KMT2C: variants seen among roughly 807,000 people sequenced by gnomAD.
KMT2C encodes histone-lysine N-methyltransferase 2C.
A neutral mutation model predicts 507.9 loss-of-function variants in KMT2C; 88 were observed. The observed-to-expected ratio is 0.17, with a 90% confidence interval of 0.15 to 0.21. The LOEUF (loss-of-function observed/expected upper bound fraction) is 0.21, where lower values mean the gene tolerates loss of function less well. KMT2C is among the 10% of genes least tolerant of loss of function. The pLI is 1.00. For missense variants in KMT2C, 4,954 were observed against 5,957.8 expected (o/e 0.83, Z 5.55); for synonymous variants, 2,049 against 2,080.8 (o/e 0.98, Z 0.42).
intron 23 of KMT2C, among the ~76,000 whole-genome samples, chr7:152,214,849 C>T (rs1057392769): frequency 1.3e-5 from 2 of 152,078 alleles, no homozygotes; most frequent in African/African-American, 4.8e-5. Context: ...GGGTACAAAT[C>T]TGCAGTTAGG....
At chr7:152,321,987 T>C (rs368759559) in intron 3 of KMT2C, among the ~76,000 whole-genome samples, 21 of 151,780 alleles carry the variant, frequency 1.4e-4, no homozygotes, top group African/African-American at 5.1e-4. Context: ...AGAACAATGC[T>C]GGATGCATCA....
At chr7:152,189,596 A>G (rs967739464) in intron 31 of KMT2C, among the ~76,000 whole-genome samples, 1 of 152,204 alleles carries the variant, frequency 6.6e-6, no homozygotes, top group African/African-American at 2.4e-5. Flanking sequence ...TTACAACACT[A>G]AAACCTACAT....
chr7:152,214,611 A>G (rs565785691), intron 23 of KMT2C, among the ~76,000 whole-genome samples: 29 of 152,344 alleles, frequency 1.9e-4, no homozygotes, highest in Non-Finnish European at 3.8e-4. Context: ...TATACAATGG[A>G]ATAGTTAGCT....
intron 55 of KMT2C, among the ~76,000 whole-genome samples, chr7:152,143,878 T>C (rs755719200): frequency 3.3e-5 from 5 of 152,222 alleles, no homozygotes; most frequent in Non-Finnish European, 7.3e-5. Context: ...GATACTTTGC[T>C]GGCTGCTGAG....
chr7:152,415,429 A>G (rs1338680407), intron 1 of KMT2C, among the ~76,000 whole-genome samples: 4 of 152,220 alleles, frequency 2.6e-5, no homozygotes, highest in African/African-American at 9.6e-5. Context: ...TCACTACACA[A>G]AAGATAATTA....
chr7:152,199,086 T>C (rs905355802), intron 27 of KMT2C, among the ~76,000 whole-genome samples, 193 bp downstream of exon 27: 24 of 152,216 alleles, frequency 1.6e-4, no homozygotes, highest in African/African-American at 5.5e-4. Flanking sequence ...GTTACACAGG[T>C]AAATTAATTT....
intron 2 of KMT2C, among the ~76,000 whole-genome samples, chr7:152,346,983 T>C (rs937395218): frequency 1.3e-5 from 2 of 151,994 alleles, no homozygotes; most frequent in Admixed American, 1.3e-4. Context: ...AAAACTTAGC[T>C]GGGCGTGGTG....
chr7:152,396,062 C>T (rs2097536400), intron 1 of KMT2C, among the ~76,000 whole-genome samples: 1 of 152,040 alleles, frequency 6.6e-6, no homozygotes. Context: ...AATGATCAGC[C>T]CCAAATCAAA....
chr7:152,431,366 A>G (rs959877759), intron 1 of KMT2C, among the ~76,000 whole-genome samples: 78 of 152,266 alleles, frequency 5.1e-4, no homozygotes, highest in African/African-American at 1.7e-3. Flanking sequence ...TGGGAGGCCC[A>G]GGCAGGCAGA....
At chr7:152,420,854 A>G (rs917304763) in intron 1 of KMT2C, among the ~76,000 whole-genome samples, 1 of 151,822 alleles carries the variant, frequency 6.6e-6, no homozygotes, top group African/African-American at 2.4e-5. Context: ...GGCCTAATAT[A>G]CAGAATCTGT....
At position 152,162,946 on chromosome 7, in the gene KMT2C, A is replaced by G; in HGVS notation, c.10631T>C (p.Phe3544Ser). ...AGAAGGCCTCACTGGGGACTGCTGGAAGCTGGTCCCAGAAAGATTTCCATG... is the reference window on the plus strand; with the variant it reads ...AGAAGGCCTCACTGGGGACTGCTGGGAGCTGGTCCCAGAAAGATTTCCATG... ...QGHGNLSGTS[F>S]QQSPVRPSFT... is the part of the protein sequence containing the mutation. Residue 3544 changes from phenylalanine to serine, a missense_variant, in exon 43 of 59, where the codon TTC becomes TCC. Coordinates refer to ENST00000262189, the MANE Select transcript of KMT2C (RefSeq NM_170606.3). 1 of 1,614,146 alleles carries G rather than the reference A, an allele frequency of 6.2e-7. No homozygotes were observed. Among genetic ancestry groups the G allele is most frequent in the African/African-American group, 1.3e-5 (1 of 75,028 alleles).
At chr7:152,297,752 A>C (rs1441517911) in intron 6 of KMT2C, among the ~76,000 whole-genome samples, 1 of 152,230 alleles carries the variant, frequency 6.6e-6, no homozygotes, top group Non-Finnish European at 1.5e-5. Context: ...AGAATAAAGA[A>C]AATAGCCAGA....
chr7:152,266,462 C>T (rs2129174288), intron 7 of KMT2C, among the ~76,000 whole-genome samples: 1 of 152,168 alleles, frequency 6.6e-6, no homozygotes, highest in Non-Finnish European at 1.5e-5. Flanking sequence ...CCAGGCTGGT[C>T]TCAAACTCCT....
chr7:152,179,874 G>A lies in KMT2C; in HGVS notation c.7402C>T (p.Pro2468Ser), dbSNP rs368314787. 132 of 1,614,040 alleles carry A rather than the reference G, an allele frequency of 8.2e-5. No individual in the cohort carries two copies. The highest frequency in any genetic ancestry group is 9.8e-5 in the Non-Finnish European group (116 of 1,179,988). ...FPKDQRGPYP[P>S]DVASMGMRPH... is the part of the protein sequence containing the mutation. ...CTCATCCCCATACTAGCAACATCAGGAGGATAGGGTCCACGCTGATCTTTT... is the reference window on the plus strand; with the variant it reads ...CTCATCCCCATACTAGCAACATCAGAAGGATAGGGTCCACGCTGATCTTTT... The change falls in exon 37 of 59, where the codon CCT becomes TCT. Residue 2468 changes from proline to serine, a missense_variant. By Grantham distance (74) the Pro-to-Ser change is moderately conservative. Transcript: ENST00000262189.
At chr7:152,363,078 C>T (rs977921842) in intron 1 of KMT2C, among the ~76,000 whole-genome samples, 13 of 152,196 alleles carry the variant, frequency 8.5e-5, no homozygotes, top group African/African-American at 3.1e-4. Flanking sequence ...AATGGTCATA[C>T]TCTTCAAAAC....
chr7:152,207,545 T>C, intron 23 of KMT2C, 117 bp from the exon 24 acceptor site: 1 of 831,994 alleles, frequency 1.2e-6, no homozygotes, highest in South Asian at 1.7e-5. Flanking sequence ...TACATCCCTG[T>C]TGGTAGGGAA....
intron 1 of KMT2C, among the ~76,000 whole-genome samples, chr7:152,391,927 C>T (rs949538426): frequency 3.9e-5 from 6 of 152,118 alleles, no homozygotes; most frequent in African/African-American, 1.4e-4. Flanking sequence ...TTATCATATA[C>T]ATACATAAAT....
At chr7:152,160,941 A>T (rs1353895753) in intron 43 of KMT2C, among the ~76,000 whole-genome samples, 6 of 152,168 alleles carry the variant, frequency 3.9e-5, no homozygotes, top group African/African-American at 1.4e-4. Context: ...ATCTGGAAAA[A>T]GATGACTCAA....
At chr7:152,166,178 A>T (rs1333148219) in intron 42 of KMT2C, among the ~76,000 whole-genome samples, 1 of 148,188 alleles carries the variant, frequency 6.7e-6, no homozygotes, top group Admixed American at 6.8e-5. Context: ...GCTGGAGTAC[A>T]GTGGCGCAAG....
Sources: allele counts gnomAD v4.1 joint callset (sites outside exome capture counted in the v4.1 genomes callset), GRCh38; gene constraint gnomAD v4.1.1; transcripts MANE v1.5; gene names NCBI Gene and HGNC (gene_info 2026-07-23, HGNC 2026-07-21).